The following RAB5C variants were observed in gnomAD, a reference collection of about 807,000 sequenced individuals.
RAB5C encodes ras-related protein Rab-5C.
RAB5C carries 4 observed loss-of-function variants against 25.2 expected under a neutral mutation model. The ratio of observed to expected loss-of-function variants is 0.16; its 90% CI spans 0.08 to 0.36. The LOEUF (loss-of-function observed/expected upper bound fraction) is 0.36. Among genes scored for constraint, RAB5C ranks in the 10% least tolerant of loss-of-function variants. The probability of loss-of-function intolerance (pLI) is 1.00; values close to 1 mark genes in which losing one functional copy is unlikely to be tolerated. For missense variants in RAB5C, 199 were observed against 283.8 expected, an observed-to-expected ratio of 0.70 and a Z score of 2.15; for synonymous variants, 100 against 106.4, an observed-to-expected ratio of 0.94 and a Z score of 0.37.
Position 42,130,396 on chromosome 17 carries a change from C to G in RAB5C, c.107G>C (p.Ser36Thr). 1 of 1,614,146 alleles carries G rather than the reference C, an allele frequency of 6.2e-7. No homozygotes were observed. The highest frequency in any genetic ancestry group is 8.5e-7 in the Non-Finnish European group (1 of 1,179,984). ...TCCCTTGACAAAGCGGAGGACGAGG[C>G]TGGATTTGCCTACCGCAGACTCCCC... is the stretch of plus-strand genomic sequence containing the variant. The part of the protein sequence containing the change: ...LLGESAVGKS[S>T]LVLRFVKGQF... Residue 36 changes from serine to threonine, a missense_variant, in exon 2 of 6, where the codon AGC becomes ACC. Ser to Thr is a moderately conservative substitution (Grantham distance 58). Coordinates refer to ENST00000346213, the MANE Select transcript of RAB5C (RefSeq NM_004583.4).
rs539701143 is a variant in RAB5C at position 42,144,028 on chromosome 17, C to T, written c.-89+10865G>A. On this transcript the variant is annotated intron_variant, in intron 1 of 5. Coordinates refer to ENST00000346213, the MANE Select transcript of RAB5C (RefSeq NM_004583.4). ...CTCAAACTCTTGGCCTCAGGTGATCCGCCCATCTTGGCTTCCCCAAGTGCT... is the reference window on the plus strand; with the variant it reads ...CTCAAACTCTTGGCCTCAGGTGATCTGCCCATCTTGGCTTCCCCAAGTGCT... 6.4e-4 allele frequency among the ~76,000 whole-genome samples: 97 copies of T among 152,168 alleles called. 1 individual carries two copies. The highest frequency in any genetic ancestry group is 2.3e-3 in the African/African-American group (96 of 41,554).
intron 4 of RAB5C, 57 bp downstream of exon 4, chr17:42,128,204 C>T (rs552329191): frequency 1.7e-5 from 26 of 1,570,206 alleles, no homozygotes; most frequent in African/African-American, 6.8e-5. Context: ...GCATCCCAGG[C>T]GAGGCCGGGG....
Position 42,135,260 on chromosome 17 carries a change from A to AT in RAB5C, c.-88-4671dup, listed in dbSNP as rs544805007. 3.3e-3 allele frequency among the ~76,000 whole-genome samples: 440 copies of AT among 134,158 alleles called. 3 individuals are homozygous for AT. Among genetic ancestry groups the AT allele is most frequent in the South Asian group, 0.016 (66 of 4,174 alleles). The allele number at this position is 134,158 out of a possible 152,430, so 88.0% of individuals were successfully genotyped here. On this transcript the variant is annotated intron_variant, in intron 1 of 5. Transcript: ENST00000346213. ...GGATTACAGGTGTGAGCCACCTGTA[A>AT]TTTTTTTTTTTTTTTTTTGGAGATA...
intron 1 of RAB5C, among the ~76,000 whole-genome samples, chr17:42,142,820 C>T (rs1051428660): frequency 6.6e-6 from 1 of 152,158 alleles, no homozygotes; most frequent in Admixed American, 6.5e-5. Flanking sequence ...ACCCTGAGCC[C>T]GCCAACAGCC....
intron 5 of RAB5C, among the ~76,000 whole-genome samples, chr17:42,126,128 G>C (rs1279622051): frequency 6.6e-6 from 1 of 152,132 alleles, no homozygotes; most frequent in Non-Finnish European, 1.5e-5. Flanking sequence ...CTGCAACCCA[G>C]GAAGGAAGAT....
Position 42,128,335 on chromosome 17 carries a change from C to A in RAB5C, c.367G>T (p.Ala123Ser). The change falls in exon 4 of 6, where the codon GCC (alanine) becomes TCC (serine). Residue 123 changes from alanine (A) to serine (S), a missense_variant. Transcript: ENST00000346213. ...KNWVKELQRQ[A>S]SPNIVIALAG... ...AGTGCAATGACGATGTTGGGGCTGG[C>A]CTGCCTCTGTAGCTCCTTCACCCAG... 1 of 1,614,156 alleles carries A rather than the reference C, an allele frequency of 6.2e-7. No individual in the cohort carries two copies. Among genetic ancestry groups the A allele is most frequent in the Non-Finnish European group, 8.5e-7 (1 of 1,179,998 alleles).
intron 1 of RAB5C, among the ~76,000 whole-genome samples, chr17:42,141,492 C>T (rs1439884985): frequency 1.3e-5 from 2 of 152,174 alleles, no homozygotes; most frequent in Admixed American, 1.3e-4. Context: ...TTACACTTGG[C>T]AAGTGAACGG....
chr17:42,126,678 C>T lies in RAB5C; in HGVS notation c.535+77G>A, dbSNP rs571579785. The T allele has an allele frequency of 8.8e-6, 7 of 793,768 alleles. No individual in the cohort carries two copies. In the African/African-American group the frequency reaches 1.1e-4, roughly 12 times the overall value. 49.2% of individuals were successfully genotyped at this position (793,768 alleles called of 1,614,324 possible). On this transcript the variant is annotated intron_variant, in intron 5 of 5. Transcript: ENST00000346213. ...AAAAAAGAGTGGTGAAGGGACCCCG[C>T]AGGCCCACTCTAGACCAGCAGACAG...
chr17:42,144,205 C>T (rs898767474), intron 1 of RAB5C, among the ~76,000 whole-genome samples: 4 of 151,996 alleles, frequency 2.6e-5, no homozygotes, highest in African/African-American at 9.7e-5. Context: ...GCCTGTAATC[C>T]CAGCACTTTG....
Position 42,151,048 on chromosome 17 carries a change from T to C in RAB5C, c.-89+3845A>G, listed in dbSNP as rs902997911. On this transcript the variant is annotated intron_variant, in intron 1 of 5. Transcript: ENST00000346213. ...AGCCCAGGGTCACACAACTGGTAAG[T>C]GGGGGAATCAGGATGAGAACTCAGG... Among the ~76,000 whole-genome samples, 5 of 152,106 alleles carry C rather than the reference T, an allele frequency of 3.3e-5. No individual in the cohort carries two copies. In the East Asian group the frequency reaches 5.8e-4, roughly 18 times the overall value.
At chr17:42,138,776 C>T (rs930382541) in intron 1 of RAB5C, among the ~76,000 whole-genome samples, 5 of 152,176 alleles carry the variant, frequency 3.3e-5, no homozygotes, top group African/African-American at 1.2e-4. Context: ...GGCTTAAAGC[C>T]TGGATACACA....
chr17:42,143,358 C>T (rs1350327314), intron 1 of RAB5C, among the ~76,000 whole-genome samples: 2 of 152,136 alleles, frequency 1.3e-5, no homozygotes, highest in African/African-American at 2.4e-5. Context: ...AGCCTGGGGC[C>T]GGGAGTGGTG....
chr17:42,139,259 G>C (rs1193321484), intron 1 of RAB5C, among the ~76,000 whole-genome samples: 1 of 152,248 alleles, frequency 6.6e-6, no homozygotes, highest in African/African-American at 2.4e-5. Context: ...CTCAGTCATT[G>C]GCCCTGCTGG....
chr17:42,142,057 T>C (rs956360035), intron 1 of RAB5C, among the ~76,000 whole-genome samples: 1 of 151,708 alleles, frequency 6.6e-6, no homozygotes, highest in South Asian at 2.1e-4. Flanking sequence ...CAATCTTGTA[T>C]CCTCCAGAGA....
intron 1 of RAB5C, among the ~76,000 whole-genome samples, chr17:42,132,268 G>A (rs2054493525): frequency 6.6e-6 from 1 of 152,230 alleles, no homozygotes. Flanking sequence ...CCTTTCTGGA[G>A]AGAACCAAAG....
At chr17:42,126,089 A>G (rs937915355) in intron 5 of RAB5C, among the ~76,000 whole-genome samples, 191 bp from the exon 6 acceptor site, 2 of 152,210 alleles carry the variant, frequency 1.3e-5, no homozygotes, top group African/African-American at 4.8e-5. Context: ...GCCCAAGACT[A>G]CAGAGCTAAT....
Position 42,140,511 on chromosome 17 carries a change from ATATATTTTTTTTTTTT to A in RAB5C, c.-88-9937_-88-9922del, listed in dbSNP as rs1260856657. On this transcript the variant is annotated intron_variant, in intron 1 of 5. Coordinates refer to ENST00000346213, the MANE Select transcript of RAB5C (RefSeq NM_004583.4). ...TATATATATATATATATATATATAT[ATATATTTTTTTTTTTT>A]TTTTTTTTTTTTTTGAGATGGAGTC... Among the ~76,000 whole-genome samples, 19 of 36,016 alleles carry A rather than the reference ATATATTTTTTTTTTTT, an allele frequency of 5.3e-4. No homozygotes were observed. The African/African-American group carries it at 5.6e-3, about 11-fold the overall frequency. 23.6% of individuals were successfully genotyped at this position (36,016 alleles called of 152,430 possible).
intron 1 of RAB5C, among the ~76,000 whole-genome samples, chr17:42,142,164 T>C (rs1488535839): frequency 3.7e-5 from 5 of 136,116 alleles, no homozygotes; most frequent in East Asian, 2.2e-4. Flanking sequence ...CATAACCTCT[T>C]AAAAAAAAAA....
At chr17:42,131,393 AACACACAC>A in intron 1 of RAB5C, among the ~76,000 whole-genome samples, 1 of 151,718 alleles carries the variant, frequency 6.6e-6, no homozygotes, top group Non-Finnish European at 1.5e-5. Flanking sequence ...CACACACACA[AACACACAC>A]AGAAACACAC....
Sources: gnomAD v4.1 joint callset for allele counts (sites outside exome capture counted in the v4.1 genomes callset) on GRCh38, gnomAD v4.1.1 for gene constraint, MANE v1.5 for transcripts, NCBI Gene and HGNC (gene_info 2026-07-23, HGNC 2026-07-21) for gene names.